The following SDK1 variants were observed in gnomAD, a reference collection of about 807,000 sequenced individuals.
The protein encoded by SDK1 is protein sidekick-1.
A neutral mutation model predicts 245.5 loss-of-function variants in SDK1; 157 were observed. That is an observed-to-expected ratio of 0.64 (90% confidence interval 0.56 to 0.73). SDK1 has a LOEUF of 0.73. SDK1 is among the 30% of genes least tolerant of loss of function. The pLI, the probability that SDK1 is intolerant of heterozygous loss-of-function variation, is 0.00. For missense variants in SDK1, 3,583 were observed against 3,002.3 expected, an observed-to-expected ratio of 1.19 and a Z score of -4.52; for synonymous variants, 1,647 against 1,278.5, an observed-to-expected ratio of 1.29 and a Z score of -6.15.
chr7:4,177,630 A>G (rs1335648381), intron 34 of SDK1, among the ~76,000 whole-genome samples: 3 of 152,238 alleles, frequency 2.0e-5, no homozygotes, highest in African/African-American at 7.2e-5. Flanking sequence ...ATTCTAACTC[A>G]GGGGTCTCCA....
chr7:3,975,740 C>G (rs538198663), intron 13 of SDK1, among the ~76,000 whole-genome samples: 6 of 152,346 alleles, frequency 3.9e-5, no homozygotes, highest in East Asian at 1.9e-4. Context: ...GAAAAACATC[C>G]CATCCCAACT....
At chr7:3,336,609 C>G (rs1055267634) in intron 1 of SDK1, among the ~76,000 whole-genome samples, 1 of 152,112 alleles carries the variant, frequency 6.6e-6, no homozygotes, top group African/African-American at 2.4e-5. Context: ...CCCACCTCCC[C>G]GCCCCTCCTT....
At chr7:3,942,892 C>A (rs1354932372) in intron 5 of SDK1, among the ~76,000 whole-genome samples, 1 of 152,116 alleles carries the variant, frequency 6.6e-6, no homozygotes, top group African/African-American at 2.4e-5. Context: ...GGAGGTTATG[C>A]CTGAGTCTCA....
chr7:4,011,628 C>G (rs1396422695), intron 15 of SDK1, among the ~76,000 whole-genome samples: 1 of 152,234 alleles, frequency 6.6e-6, no homozygotes, highest in Non-Finnish European at 1.5e-5. Context: ...CATCACATTT[C>G]AGCACACCTT....
intron 2 of SDK1, among the ~76,000 whole-genome samples, chr7:3,623,070 T>C (rs1442199185): frequency 6.6e-6 from 1 of 152,186 alleles, no homozygotes; most frequent in African/African-American, 2.4e-5. Flanking sequence ...AAAAAGGTAG[T>C]TGTTTCCCAC....
At chr7:4,247,506 G>A (rs968016701) in intron 44 of SDK1, among the ~76,000 whole-genome samples, 3 of 152,234 alleles carry the variant, frequency 2.0e-5, no homozygotes, top group African/African-American at 4.8e-5. Context: ...CTGCATGTAC[G>A]AAAGCAGCAG....
At position 3,337,384 on chromosome 7, in the gene SDK1, CAT is replaced by C. The variant is rs575068747; in HGVS notation, c.298+35502_298+35503del. Among the ~76,000 whole-genome samples, 606 of 151,682 alleles carry C rather than the reference CAT, an allele frequency of 4.0e-3. 2 individuals carry two copies. Among genetic ancestry groups the C allele is most frequent in the Non-Finnish European group, 4.9e-3 (331 of 67,932 alleles). On this transcript the variant is annotated intron_variant, in intron 1 of 44. Transcript: ENST00000404826. ...AAAATAGACTGGAAAAAAAAAGTCT[CAT>C]AGACCTCTGGAGTGATGATAAAAGA...
chr7:3,423,499 A>G (rs1010452030), intron 1 of SDK1, among the ~76,000 whole-genome samples: 5 of 152,004 alleles, frequency 3.3e-5, no homozygotes, highest in Admixed American at 3.3e-4. Context: ...CAGTGAGAAT[A>G]TAAAAACAAA....
chr7:3,358,123 G>C (rs1345141689), intron 1 of SDK1, among the ~76,000 whole-genome samples: 1 of 152,052 alleles, frequency 6.6e-6, no homozygotes, highest in Non-Finnish European at 1.5e-5. Flanking sequence ...CTGGATTCCA[G>C]CGATTCTCCT....
At chr7:3,716,403 T>C (rs148489971) in intron 4 of SDK1, among the ~76,000 whole-genome samples, 132 of 152,220 alleles carry the variant, frequency 8.7e-4, no homozygotes, top group African/African-American at 3.1e-3. Context: ...AAATTAGAAC[T>C]CTGAAAAAAA....
At chr7:3,570,016 A>G (rs1780056243) in intron 1 of SDK1, among the ~76,000 whole-genome samples, 1 of 152,080 alleles carries the variant, frequency 6.6e-6, no homozygotes, top group South Asian at 2.1e-4. Flanking sequence ...TTTTCTTTAT[A>G]ATTCTAAATC....
intron 2 of SDK1, among the ~76,000 whole-genome samples, chr7:3,626,764 A>C (rs1348541043): frequency 6.6e-6 from 1 of 152,176 alleles, no homozygotes; most frequent in African/African-American, 2.4e-5. Flanking sequence ...TCACAAAGTG[A>C]GTAGGATGAA....
intron 1 of SDK1, among the ~76,000 whole-genome samples, chr7:3,537,219 C>G (rs1778914395): frequency 6.6e-6 from 1 of 152,206 alleles, no homozygotes. Flanking sequence ...ATAAATGGAA[C>G]TATGCACTCT....
At chr7:3,941,797 T>C (rs983325556) in intron 5 of SDK1, among the ~76,000 whole-genome samples, 11 of 152,152 alleles carry the variant, frequency 7.2e-5, no homozygotes, top group Admixed American at 5.9e-4. Flanking sequence ...CCCCAGCACC[T>C]GCCACCATGC....
At chr7:3,417,166 C>G (rs1465259029) in intron 1 of SDK1, among the ~76,000 whole-genome samples, 4 of 152,110 alleles carry the variant, frequency 2.6e-5, no homozygotes, top group African/African-American at 9.7e-5. Flanking sequence ...AAGAGCTAAA[C>G]TCTGTATAAA....
chr7:3,821,647 A>G, intron 5 of SDK1, 64 bp downstream of exon 5: 1 of 1,543,096 alleles, frequency 6.5e-7, no homozygotes, highest in East Asian at 2.3e-5. Context: ...ATCAGTAACC[A>G]CTGTCTGACA....
chr7:3,749,386 G>C (rs1456228579), intron 4 of SDK1, among the ~76,000 whole-genome samples: 1 of 152,098 alleles, frequency 6.6e-6, no homozygotes, highest in Non-Finnish European at 1.5e-5. Flanking sequence ...TGCAACCTCT[G>C]CCTCCCAGGT....
In SDK1 at chr7:3,679,035, C is replaced by T. The variant is rs115802577; in HGVS notation, c.713+36930C>T. Among the ~76,000 whole-genome samples the T allele has an allele frequency of 7.6e-3, 1,164 of 152,224 alleles. 15 individuals are homozygous for T. The highest frequency in any genetic ancestry group is 0.026 in the African/African-American group (1,091 of 41,516). ...CACAGGAGGAAATCTTCAGAGCCTA[C>T]GGATTAGTGAACAATTTTTAGCTAT... On this transcript the variant is annotated intron_variant, in intron 4 of 44. Transcript: ENST00000404826.
Position 3,825,392 on chromosome 7 carries a change from T to G in SDK1, c.847+3809T>G, listed in dbSNP as rs115839330. Among the ~76,000 whole-genome samples the G allele has an allele frequency of 2.0e-3, 295 of 150,512 alleles. 2 individuals carry two copies. The highest frequency in any genetic ancestry group is 7.0e-3 in the African/African-American group (287 of 40,984). Reference sequence around the variant, plus strand: ...ACAGTGGTTAATCAGTCATTGTTTATACGCCATTGTACATGCCTTAGACAT... The same window carrying G: ...ACAGTGGTTAATCAGTCATTGTTTAGACGCCATTGTACATGCCTTAGACAT... On this transcript the variant is annotated intron_variant, in intron 5 of 44. Coordinates refer to ENST00000404826, the MANE Select transcript of SDK1 (RefSeq NM_152744.4).
Sources: gnomAD v4.1 joint callset for allele counts (sites outside exome capture counted in the v4.1 genomes callset) on GRCh38, gnomAD v4.1.1 for gene constraint, MANE v1.5 for transcripts, NCBI Gene and HGNC (gene_info 2026-07-23, HGNC 2026-07-21) for gene names.